DPP10: variants seen among roughly 807,000 people sequenced by gnomAD.
DPP10 encodes inactive dipeptidyl peptidase 10.
A neutral mutation model predicts 120.9 loss-of-function variants in DPP10; 33 were observed. That is an observed-to-expected ratio of 0.27 (90% confidence interval 0.21 to 0.37). The LOEUF (loss-of-function observed/expected upper bound fraction) is 0.37, where lower values mean the gene tolerates loss of function less well. DPP10 is among the 10% of genes least tolerant of loss of function. DPP10 has a pLI of 1.00. For missense variants in DPP10, 816 were observed against 942.8 expected, an observed-to-expected ratio of 0.87 and a Z score of 1.76; for synonymous variants, 337 against 326.1, an observed-to-expected ratio of 1.03 and a Z score of -0.36.
At chr2:115,080,531 C>A (rs1355477751) in intron 1 of DPP10, among the ~76,000 whole-genome samples, 2 of 152,108 alleles carry the variant, frequency 1.3e-5, no homozygotes, top group Non-Finnish European at 2.9e-5. Context: ...ACAACCCAGT[C>A]ACATTAAAAC....
In DPP10 at chr2:114,919,744, T is replaced by C. The variant is rs945178041; in HGVS notation, c.61-389495T>C. On this transcript the variant is annotated intron_variant, in intron 1 of 25. Transcript: ENST00000410059. ...CTATTACAATCAACTATTATTCTGA[T>C]AGTTGACTGGCATAACTGAGTAGTT... 6.6e-5 allele frequency among the ~76,000 whole-genome samples: 10 copies of C among 152,222 alleles called. No individual in the cohort carries two copies. In the East Asian group the frequency reaches 1.9e-3, roughly 29 times the overall value.
At chr2:115,830,437 A>T (rs34907659) in intron 21 of DPP10, among the ~76,000 whole-genome samples, 4,065 of 152,104 alleles carry the variant, frequency 0.027, 104 homozygotes, top group Non-Finnish European at 0.037. Flanking sequence ...TTTAGAACAG[A>T]TATCACTGTG....
chr2:114,575,748 G>A (rs999252008), intron 1 of DPP10, among the ~76,000 whole-genome samples: 3 of 152,042 alleles, frequency 2.0e-5, no homozygotes, highest in African/African-American at 7.2e-5. Context: ...TCTGAGATTG[G>A]TGGAAAACTC....
At chr2:115,652,843 A>G (rs35851253) in intron 5 of DPP10, among the ~76,000 whole-genome samples, 62,776 of 151,652 alleles carry the variant, frequency 0.41, 13,929 homozygotes, top group East Asian at 0.64. Flanking sequence ...TCATTCAGAT[A>G]CACCCTGAAA....
intron 1 of DPP10, among the ~76,000 whole-genome samples, chr2:115,186,190 T>C (rs1423829127): frequency 1.3e-5 from 2 of 152,250 alleles, no homozygotes; most frequent in Non-Finnish European, 2.9e-5. Context: ...TATTATCTTA[T>C]TCATTCCTGG....
chr2:115,229,298 G>GA (rs2057609143), intron 1 of DPP10, among the ~76,000 whole-genome samples: 1 of 152,114 alleles, frequency 6.6e-6, no homozygotes, highest in Non-Finnish European at 1.5e-5. Flanking sequence ...TGGATAGTCT[G>GA]AAAATCTGTT....
chr2:115,093,561 T>C (rs1709460440), intron 1 of DPP10, among the ~76,000 whole-genome samples: 1 of 152,112 alleles, frequency 6.6e-6, no homozygotes, highest in Non-Finnish European at 1.5e-5. Flanking sequence ...TAATTTGGTA[T>C]CATGTAATGC....
At chr2:115,781,921 T>C (rs955644275) in intron 16 of DPP10, among the ~76,000 whole-genome samples, 1 of 152,050 alleles carries the variant, frequency 6.6e-6, no homozygotes, top group African/African-American at 2.4e-5. Flanking sequence ...ACTTTTCTTA[T>C]GGATGAACTA....
intron 5 of DPP10, among the ~76,000 whole-genome samples, chr2:115,679,453 T>C (rs1389578731): frequency 3.3e-5 from 5 of 152,180 alleles, no homozygotes; most frequent in Non-Finnish European, 7.3e-5. Flanking sequence ...TTGCTTCCCT[T>C]TCCACCATGT....
At chr2:115,235,552 T>G (rs967731290) in intron 1 of DPP10, among the ~76,000 whole-genome samples, 1 of 152,134 alleles carries the variant, frequency 6.6e-6, no homozygotes, top group Non-Finnish European at 1.5e-5. Flanking sequence ...TTTTTTTGTT[T>G]GTTTTTTTGG....
rs1427563166 is a variant in DPP10 at position 115,221,779 on chromosome 2, T to C, written c.61-87460T>C. ...GTTTTTTTTTTTTTTTTTTTTTTTTTCTATGAGCTAAGAGAAAACCATGGT... is the reference window on the plus strand; with the variant it reads ...GTTTTTTTTTTTTTTTTTTTTTTTTCCTATGAGCTAAGAGAAAACCATGGT... On this transcript the variant is annotated intron_variant, in intron 1 of 25. Coordinates refer to ENST00000410059, the MANE Select transcript of DPP10 (RefSeq NM_020868.6). 4.0e-5 allele frequency among the ~76,000 whole-genome samples: 5 copies of C among 123,526 alleles called. No homozygotes were observed. The East Asian group carries it at 7.4e-4, about 18-fold the overall frequency. 81.0% of individuals were successfully genotyped at this position (123,526 alleles called of 152,430 possible).
intron 1 of DPP10, among the ~76,000 whole-genome samples, chr2:115,229,780 A>T (rs1436748826): frequency 6.7e-6 from 1 of 150,272 alleles, no homozygotes; most frequent in Non-Finnish European, 1.5e-5. Context: ...TTATGCCAGT[A>T]GCATGTTGTT....
At chr2:114,442,943 G>T in intron 1 of DPP10, 105 bp downstream of exon 1, 1 of 1,399,140 alleles carries the variant, frequency 7.1e-7, no homozygotes, top group Non-Finnish European at 9.9e-7. Flanking sequence ...ATACCTACTT[G>T]ATTTGAGTTT....
chr2:114,726,504 G>T (rs1322158220), intron 1 of DPP10, among the ~76,000 whole-genome samples: 1 of 152,148 alleles, frequency 6.6e-6, no homozygotes, highest in Non-Finnish European at 1.5e-5. Context: ...TTCAAGTTAG[G>T]CCTGGTGGCA....
chr2:115,410,290 C>T (rs1262322141), intron 3 of DPP10, among the ~76,000 whole-genome samples: 1 of 152,176 alleles, frequency 6.6e-6, no homozygotes, highest in African/African-American at 2.4e-5. Flanking sequence ...TCATAGAATA[C>T]TATGCACCCA....
intron 1 of DPP10, among the ~76,000 whole-genome samples, chr2:115,032,037 A>G (rs1353392184): frequency 1.3e-5 from 2 of 152,220 alleles, no homozygotes; most frequent in Non-Finnish European, 2.9e-5. Context: ...AGAAGAATCA[A>G]TACATGAGAA....
intron 1 of DPP10, among the ~76,000 whole-genome samples, chr2:114,840,466 T>C (rs1688069019): frequency 6.6e-6 from 1 of 152,096 alleles, no homozygotes; most frequent in Non-Finnish European, 1.5e-5. Context: ...CGCTTTTCAC[T>C]CTGCTCCTCT....
At chr2:114,739,070 T>C (rs1239026097) in intron 1 of DPP10, among the ~76,000 whole-genome samples, 3 of 152,220 alleles carry the variant, frequency 2.0e-5, no homozygotes, top group Non-Finnish European at 4.4e-5. Context: ...GGATCTGAGT[T>C]TGCTATCAGG....
chr2:114,485,634 T>C (rs1203198992), intron 1 of DPP10, among the ~76,000 whole-genome samples: 2 of 151,990 alleles, frequency 1.3e-5, no homozygotes, highest in Non-Finnish European at 2.9e-5. Context: ...TAGCCTCTCA[T>C]GATCTTTGAT....
Sources: gnomAD v4.1 joint callset for allele counts (sites outside exome capture counted in the v4.1 genomes callset) on GRCh38, gnomAD v4.1.1 for gene constraint, MANE v1.5 for transcripts, NCBI Gene and HGNC (gene_info 2026-07-23, HGNC 2026-07-21) for gene names.